The following KHDRBS2 variants were observed in gnomAD, a reference collection of about 807,000 sequenced individuals.
KHDRBS2 encodes KH domain-containing, RNA-binding, signal transduction-associated protein 2.
KHDRBS2 carries 26 observed loss-of-function variants against 44.3 expected under a neutral mutation model. That is an observed-to-expected ratio of 0.59 (90% confidence interval 0.43 to 0.81). KHDRBS2 has a LOEUF of 0.81. Ranked by LOEUF, KHDRBS2 falls within the 40% of genes least tolerant of loss-of-function variation. The probability of loss-of-function intolerance (pLI) is 0.00; values close to 1 mark genes in which losing one functional copy is unlikely to be tolerated. For missense variants in KHDRBS2, 476 were observed against 433.1 expected (o/e 1.10, Z -0.88); for synonymous variants, 194 against 151.1 (o/e 1.28, Z -2.08).
chr6:61,895,038 T>A (rs1397539123), intron 5 of KHDRBS2, among the ~76,000 whole-genome samples: 1 of 151,172 alleles, frequency 6.6e-6, no homozygotes, highest in Non-Finnish European at 1.5e-5. Flanking sequence ...ACAATAATTG[T>A]AAACACTGAC....
the KHDRBS2 span, among the ~76,000 whole-genome samples, chr6:61,601,324 A>G: frequency 6.6e-6 from 1 of 151,798 alleles, no homozygotes; most frequent in African/African-American, 2.4e-5. Context: ...ACTGTAGGCA[A>G]ACTTCCACCC....
At chr6:61,704,270 T>C (rs1339247892) in intron 7 of KHDRBS2, among the ~76,000 whole-genome samples, 8 of 151,720 alleles carry the variant, frequency 5.3e-5, no homozygotes, top group Non-Finnish European at 1.2e-4. Context: ...AACAAATAAA[T>C]GGGGCTGAAA....
chr6:61,866,601 T>G lies in KHDRBS2; in HGVS notation c.810+28034A>C, dbSNP rs1211882793. Among the ~76,000 whole-genome samples, 3 of 152,338 alleles carry G rather than the reference T, an allele frequency of 2.0e-5. No individual in the cohort carries two copies. The South Asian group carries it at 6.2e-4, about 32-fold the overall frequency. ...TTCTGCAGCCAGCTTAAATTTCTCT[T>G]CAGAAAATGGGATTTTCTTTTCTAT... On this transcript the variant is annotated intron_variant, in intron 6 of 8. Transcript: ENST00000281156.
At chr6:62,199,840 C>G (rs548666092) in intron 1 of KHDRBS2, among the ~76,000 whole-genome samples, 11 of 152,252 alleles carry the variant, frequency 7.2e-5, no homozygotes, top group Admixed American at 2.6e-4. Context: ...AACTATACTA[C>G]AAGGCTACAG....
intron 2 of KHDRBS2, among the ~76,000 whole-genome samples, chr6:62,057,349 T>C (rs1164115165): frequency 6.6e-6 from 1 of 151,796 alleles, no homozygotes; most frequent in African/African-American, 2.4e-5. Flanking sequence ...AGATTTAAAG[T>C]ATTAGAAAAA....
the KHDRBS2 span, among the ~76,000 whole-genome samples, chr6:61,601,487 T>C: frequency 6.6e-6 from 1 of 152,152 alleles, no homozygotes; most frequent in Non-Finnish European, 1.5e-5. Context: ...AGCCAGATAA[T>C]GGCACTTTCA....
intron 4 of KHDRBS2, among the ~76,000 whole-genome samples, chr6:61,958,328 T>C (rs984158397): frequency 2.0e-5 from 3 of 152,080 alleles, no homozygotes; most frequent in Non-Finnish European, 2.9e-5. Flanking sequence ...GAGGAGTAGG[T>C]TCCCCTCTCC....
intron 7 of KHDRBS2, among the ~76,000 whole-genome samples, chr6:61,698,009 T>C (rs1204129): frequency 0.83 from 126,932 of 152,056 alleles, 53,438 homozygotes; most frequent in Non-Finnish European, 0.9. Context: ...AGAAGTGACT[T>C]TACTCACTCT....
At chr6:61,963,421 A>G (rs940388009) in intron 4 of KHDRBS2, among the ~76,000 whole-genome samples, 21 of 152,096 alleles carry the variant, frequency 1.4e-4, no homozygotes, top group Admixed American at 5.9e-4. Flanking sequence ...ATGAAATTAG[A>G]TAACTTCCTG....
intron 2 of KHDRBS2, among the ~76,000 whole-genome samples, chr6:62,100,979 A>C (rs371280521): frequency 7.7e-4 from 118 of 152,342 alleles, no homozygotes; most frequent in African/African-American, 2.8e-3. Flanking sequence ...CACTCAGAGC[A>C]GTCCTCCAAT....
intron 2 of KHDRBS2, among the ~76,000 whole-genome samples, chr6:62,095,766 T>C (rs1163341878): frequency 6.6e-6 from 1 of 151,936 alleles, no homozygotes; most frequent in Non-Finnish European, 1.5e-5. Flanking sequence ...TGAATGAAAG[T>C]AATACAAGTG....
intron 1 of KHDRBS2, among the ~76,000 whole-genome samples, chr6:62,262,515 A>G (rs1487127301): frequency 6.6e-6 from 1 of 151,820 alleles, no homozygotes; most frequent in Non-Finnish European, 1.5e-5. Context: ...ATATCATGAA[A>G]TAATAAAAGT....
At chr6:61,958,501 A>C (rs1348573522) in intron 4 of KHDRBS2, among the ~76,000 whole-genome samples, 1 of 152,150 alleles carries the variant, frequency 6.6e-6, no homozygotes, top group East Asian at 1.9e-4. Context: ...ATTCTAACAA[A>C]CTATTCATTG....
chr6:61,944,466 G>C (rs779996338), intron 4 of KHDRBS2, among the ~76,000 whole-genome samples: 61 of 152,130 alleles, frequency 4.0e-4, no homozygotes, highest in Non-Finnish European at 6.6e-4. Context: ...ATCTCTCAGA[G>C]ACAATAGAAT....
the KHDRBS2 span, among the ~76,000 whole-genome samples, chr6:61,609,742 C>T: frequency 8.5e-5 from 13 of 152,256 alleles, no homozygotes; most frequent in African/African-American, 2.6e-4. Flanking sequence ...ATAAATAATC[C>T]TTAAAAGCTA....
At chr6:61,648,292 A>C in the KHDRBS2 span, among the ~76,000 whole-genome samples, 1 of 152,110 alleles carries the variant, frequency 6.6e-6, no homozygotes, top group Non-Finnish European at 1.5e-5. Flanking sequence ...GGTACAATAC[A>C]TGTGAGTTCA....
At chr6:62,034,790 A>G (rs1481175988) in intron 3 of KHDRBS2, among the ~76,000 whole-genome samples, 1 of 151,770 alleles carries the variant, frequency 6.6e-6, no homozygotes, top group African/African-American at 2.4e-5. Flanking sequence ...TACTGCAGGA[A>G]AAAAAATCTA....
chr6:62,190,223 A>G (rs572855590), intron 1 of KHDRBS2, among the ~76,000 whole-genome samples: 1 of 152,302 alleles, frequency 6.6e-6, no homozygotes, highest in Non-Finnish European at 1.5e-5. Flanking sequence ...ACTGAGAAGT[A>G]TAGTTAAATG....
chr6:62,161,822 G>T (rs1404811103), intron 2 of KHDRBS2, among the ~76,000 whole-genome samples: 3 of 151,608 alleles, frequency 2.0e-5, no homozygotes, highest in Non-Finnish European at 4.4e-5. Flanking sequence ...ACTGCCATGG[G>T]CATTACATTT....
Sources: allele counts gnomAD v4.1 joint callset (sites outside exome capture counted in the v4.1 genomes callset), GRCh38; gene constraint gnomAD v4.1.1; transcripts MANE v1.5; gene names NCBI Gene and HGNC (gene_info 2026-07-23, HGNC 2026-07-21).